The following AAAS variants were observed in gnomAD, a reference collection of about 807,000 sequenced individuals.
AAAS encodes the protein aladin.
AAAS carries 60 observed loss-of-function variants against 75.6 expected under a neutral mutation model. The ratio of observed to expected loss-of-function variants is 0.79; its 90% confidence interval spans 0.64 to 0.98. AAAS has a LOEUF of 0.98. Among genes scored for constraint, AAAS ranks in the 50% least tolerant of loss-of-function variants. The probability of loss-of-function intolerance (pLI) is 0.00; values close to 1 mark genes in which losing one functional copy is unlikely to be tolerated. For missense variants in AAAS, 658 were observed against 686.9 expected (o/e 0.96, Z 0.47); for synonymous variants, 271 against 265.0 (o/e 1.02, Z -0.22).
chr12:53,317,944 A>C (rs1444305688), intron 2 of AAAS, among the ~76,000 whole-genome samples: 1 of 152,210 alleles, frequency 6.6e-6, no homozygotes, highest in East Asian at 1.9e-4. Flanking sequence ...ATATGCTTAC[A>C]ATGTGCCAGC....
rs1944560210 is a variant in AAAS, at chr12:53,321,602, A to C, written c.-137T>G. The C allele has an allele frequency of 6.8e-7, 1 of 1,461,016 alleles. No individual in the cohort carries two copies. The highest frequency in any genetic ancestry group is 9.5e-7 in the Non-Finnish European group (1 of 1,057,550). The allele number at this position is 1,461,016 out of a possible 1,614,324, so 90.5% of individuals were successfully genotyped here. ...AGGGACAAACGGCGAGGCGGAACTC[A>C]ACGGAAGTGAAGAAAAGACTAACGG... On this transcript the variant is annotated 5_prime_UTR_variant, in exon 1 of 16. Coordinates refer to ENST00000209873, the MANE Select transcript of AAAS (RefSeq NM_015665.6).
Position 53,321,605 on chromosome 12 carries a change from G to A in AAAS, c.-140C>T. 6.9e-7 allele frequency: 1 copy of A among 1,450,418 alleles called. No homozygotes were observed. The highest frequency in any genetic ancestry group is 9.5e-7 in the Non-Finnish European group (1 of 1,048,396). 89.8% of individuals were successfully genotyped at this position (1,450,418 alleles called of 1,614,324 possible). A position where few individuals can be genotyped will look rare whatever the true frequency, so the allele number is the denominator to read the frequency against. On this transcript the variant is annotated 5_prime_UTR_variant, in exon 1 of 16. Coordinates refer to ENST00000209873, the MANE Select transcript of AAAS (RefSeq NM_015665.6). ...GACAAACGGCGAGGCGGAACTCAAC[G>A]GAAGTGAAGAAAAGACTAACGGGAA...
rs780338759 is a variant in AAAS at position 53,308,501 on chromosome 12, G to C, written c.1115C>G (p.Ala372Gly). Reference sequence around the variant, plus strand: ...ATCTGCCACAATCGTTGCTGACTTTGCACCTCCAACGCACCCCTTTCCCTC... The same window carrying C: ...ATCTGCCACAATCGTTGCTGACTTTCCACCTCCAACGCACCCCTTTCCCTC... ...CGEGKGCVGGAKSATIVADLS... is the reference protein window; with the variant it reads ...CGEGKGCVGGGKSATIVADLS... The change falls in exon 12 of 16, where the codon GCA becomes GGA. Residue 372 changes from alanine (A) to glycine (G), a missense_variant. Coordinates refer to ENST00000209873, the MANE Select transcript of AAAS (RefSeq NM_015665.6). 1 of 1,614,152 alleles carries C rather than the reference G, an allele frequency of 6.2e-7. No homozygotes were observed. Among genetic ancestry groups the C allele is most frequent in the Non-Finnish European group, 8.5e-7 (1 of 1,180,036 alleles).
chr12:53,314,552 G>T (rs1043587785), intron 6 of AAAS, 111 bp from the exon 7 acceptor site: 3 of 1,499,586 alleles, frequency 2.0e-6, no homozygotes, highest in Non-Finnish European at 2.8e-6. Context: ...CCATCCAGGG[G>T]CCAGGGGCAC....
chr12:53,309,893 A>T, intron 7 of AAAS, 172 bp from the exon 8 acceptor site: 2 of 1,036,006 alleles, frequency 1.9e-6, no homozygotes, highest in Non-Finnish European at 2.8e-6. Context: ...AAAACAGCGA[A>T]GGGGAAAAAC....
chr12:53,314,136 G>C (rs1944430128), intron 7 of AAAS, among the ~76,000 whole-genome samples, 162 bp downstream of exon 7: 1 of 152,100 alleles, frequency 6.6e-6, no homozygotes. Flanking sequence ...CTCCAGATTA[G>C]AGTATTCTCA....
intron 2 of AAAS, among the ~76,000 whole-genome samples, chr12:53,319,252 A>C (rs993846517): frequency 2.0e-5 from 3 of 151,908 alleles, no homozygotes; most frequent in African/African-American, 7.3e-5. Flanking sequence ...CACTGGCACA[A>C]TCTTGGCTCA....
At chr12:53,310,667 G>A (rs1020891677) in intron 7 of AAAS, among the ~76,000 whole-genome samples, 17 of 152,194 alleles carry the variant, frequency 1.1e-4, no homozygotes, top group Admixed American at 1.3e-4. Flanking sequence ...CCAGAGCCAT[G>A]TGCCTGGCCT....
chr12:53,315,074 T>C lies in AAAS; in HGVS notation c.446+20A>G, dbSNP rs576285288. ...GTTCAGGACTTCCTTTCCACAAAGC[T>C]CCAGGGCTTGTGCACTCACCAATTT... On this transcript the variant is annotated intron_variant, in intron 5 of 15. Coordinates refer to ENST00000209873, the MANE Select transcript of AAAS (RefSeq NM_015665.6). 2.5e-6 allele frequency: 4 copies of C among 1,613,870 alleles called. No homozygotes were observed. The highest frequency in any genetic ancestry group is 3.4e-6 in the Non-Finnish European group (4 of 1,179,906).
At chr12:53,317,979 C>T (rs987754643) in intron 2 of AAAS, among the ~76,000 whole-genome samples, 5 of 152,204 alleles carry the variant, frequency 3.3e-5, no homozygotes, top group African/African-American at 1.2e-4. Flanking sequence ...CTCACATTAA[C>T]TAATCAAGCC....
chr12:53,309,390 G>T, intron 8 of AAAS, 109 bp from the exon 9 acceptor site: 1 of 1,556,386 alleles, frequency 6.4e-7, no homozygotes, highest in Admixed American at 1.8e-5. Context: ...AGCGGGAGAG[G>T]GACTGTGAAA....
chr12:53,320,907 G>A, intron 1 of AAAS: 1 of 606,720 alleles, frequency 1.6e-6, no homozygotes, highest in South Asian at 2.0e-5. Context: ...CTGTGATTAT[G>A]AAACCATATG....
intron 2 of AAAS, among the ~76,000 whole-genome samples, chr12:53,316,297 GA>G (rs1944459513): frequency 6.6e-6 from 1 of 150,426 alleles, no homozygotes; most frequent in Non-Finnish European, 1.5e-5. Context: ...TAAAAATGCA[GA>G]AATTAGCCAG....
chr12:53,310,341 C>T (rs761798731), intron 7 of AAAS, among the ~76,000 whole-genome samples: 1 of 152,106 alleles, frequency 6.6e-6, no homozygotes, highest in East Asian at 1.9e-4. Flanking sequence ...GGGCGGATCA[C>T]GAGGTCAAGA....
At chr12:53,317,544 G>A (rs540859753) in intron 2 of AAAS, among the ~76,000 whole-genome samples, 7 of 145,028 alleles carry the variant, frequency 4.8e-5, no homozygotes, top group South Asian at 2.2e-4. Context: ...GCAACAGAGC[G>A]AGACTCCGTC....
intron 7 of AAAS, among the ~76,000 whole-genome samples, chr12:53,312,344 G>A (rs1944401495): frequency 6.6e-6 from 1 of 152,184 alleles, no homozygotes; most frequent in Non-Finnish European, 1.5e-5. Context: ...GGGAAGCCAA[G>A]GCGGGCGGAT....
Position 53,307,694 on chromosome 12 carries a change from A to G in AAAS, c.1436T>C (p.Ile479Thr), listed in dbSNP as rs368813962. Reference sequence around the variant, plus strand: ...GACAAAGTACAGCGGGATGTGGGCAATTCGGCCTGTGGACCAGCCCTGCAG... The same window carrying G: ...GACAAAGTACAGCGGGATGTGGGCAGTTCGGCCTGTGGACCAGCCCTGCAG... ...LLSVGWSTGR[I>T]AHIPLYFVNA... Residue 479 changes from isoleucine (I) to threonine (T), a missense_variant, in exon 16 of 16, where the codon ATT (isoleucine) becomes ACT (threonine). By Grantham distance (89) the Ile-to-Thr change is moderately conservative. Coordinates refer to ENST00000209873, the MANE Select transcript of AAAS (RefSeq NM_015665.6). 4.3e-6 allele frequency: 7 copies of G among 1,614,016 alleles called. No individual in the cohort carries two copies. Among genetic ancestry groups the G allele is most frequent in the African/African-American group, 1.3e-5 (1 of 74,936 alleles).
chr12:53,313,013 C>T (rs1290435704), intron 7 of AAAS, among the ~76,000 whole-genome samples: 3 of 151,510 alleles, frequency 2.0e-5, no homozygotes, highest in African/African-American at 7.3e-5. Context: ...AGCACCACCA[C>T]GCCCAGCTGA....
In AAAS at chr12:53,321,520, G is replaced by A. The variant is rs907318046; in HGVS notation, c.-55C>T. 4 of 1,611,266 alleles carry A rather than the reference G, an allele frequency of 2.5e-6. No homozygotes were observed. Among genetic ancestry groups the A allele is most frequent in the African/African-American group, 1.3e-5 (1 of 74,950 alleles). The stretch of plus-strand genomic sequence containing the variant: ...GCAAACTCCTGGCCGGAACGGCACA[G>A]ACCGCACTCCCGCAACTCGGTTCCC... On this transcript the variant is annotated 5_prime_UTR_variant, in exon 1 of 16. Coordinates refer to ENST00000209873, the MANE Select transcript of AAAS (RefSeq NM_015665.6).
Sources: allele counts gnomAD v4.1 joint callset (sites outside exome capture counted in the v4.1 genomes callset), GRCh38; gene constraint gnomAD v4.1.1; transcripts MANE v1.5; gene names NCBI Gene and HGNC (gene_info 2026-07-23, HGNC 2026-07-21).